The following LAMC3 variants were observed in gnomAD, a reference collection of about 807,000 sequenced individuals.
LAMC3 encodes the protein laminin subunit gamma 3.
A neutral mutation model predicts 173.8 loss-of-function variants in LAMC3; 128 were observed. The ratio of observed to expected loss-of-function variants is 0.74; its 90% CI spans 0.64 to 0.85. LAMC3 has a LOEUF of 0.85. LAMC3 is among the 40% of genes least tolerant of loss of function. The pLI, the probability that LAMC3 is intolerant of heterozygous loss-of-function variation, is 0.00. For synonymous variants in LAMC3, 897 were observed against 909.1 expected (o/e 0.99, Z 0.24); for missense variants, 2,022 against 2,156.0 (o/e 0.94, Z 1.23).
intron 4 of LAMC3, among the ~76,000 whole-genome samples, chr9:131,038,338 A>G (rs1417977655): frequency 6.6e-6 from 1 of 152,114 alleles, no homozygotes; most frequent in Non-Finnish European, 1.5e-5. Flanking sequence ...ATGGGTCCGC[A>G]CCTTTCATGG....
chr9:131,071,603 C>T lies in LAMC3; in HGVS notation c.3189C>T (p.Tyr1063=). Reference sequence around the variant, plus strand: ...GAGAGGCCCCAAGGGGGGACGTCTACCAGGGCCATCACCTGCTTCCAGGTA... The same window carrying T: ...GAGAGGCCCCAAGGGGGGACGTCTATCAGGGCCATCACCTGCTTCCAGGTA... The part of the protein sequence containing the change: ...LLGEAPRGDV[Y]QGHHLLPGAR... The change falls in exon 18 of 28, where the codon TAC becomes TAT. Residue 1063 remains tyrosine (Y), a synonymous_variant. Transcript: ENST00000361069. 6.3e-7 allele frequency: 1 copy of T among 1,596,640 alleles called. No individual in the cohort carries two copies. The highest frequency in any genetic ancestry group is 2.2e-5 in the East Asian group (1 of 44,610).
intron 24 of LAMC3, among the ~76,000 whole-genome samples, chr9:131,083,091 T>G (rs1447985090): frequency 6.6e-6 from 1 of 152,232 alleles, no homozygotes; most frequent in Admixed American, 6.5e-5. Flanking sequence ...ATTCAATGAC[T>G]TATAATGATG....
rs554414588 is a variant in LAMC3 at position 131,035,545 on chromosome 9, T to C, written c.810-621T>C. Among the ~76,000 whole-genome samples the C allele has an allele frequency of 5.9e-5, 9 of 152,134 alleles. No homozygotes were observed. The South Asian group carries it at 1.5e-3, about 25-fold the overall frequency. On this transcript the variant is annotated intron_variant, in intron 3 of 27. Transcript: ENST00000361069. The stretch of plus-strand genomic sequence containing the variant: ...CATTCAGGAGAATTCAACCTGATGA[T>C]CCAATCAGCTCCCACCAGGCCCCAC...
chr9:131,016,320 A>G (rs881678), intron 1 of LAMC3, among the ~76,000 whole-genome samples: 11,326 of 152,124 alleles, frequency 0.074, 497 homozygotes, highest in Middle Eastern at 0.15. Context: ...AGTTCTGGAG[A>G]TGGATGGTGG....
At chr9:131,028,213 G>A (rs1178840694) in intron 2 of LAMC3, among the ~76,000 whole-genome samples, 1 of 152,230 alleles carries the variant, frequency 6.6e-6, no homozygotes, top group African/African-American at 2.4e-5. Flanking sequence ...TCTAGTGCCT[G>A]ATGGTCTGAG....
chr9:131,038,336 GC>G (rs1833982252), intron 4 of LAMC3, among the ~76,000 whole-genome samples: 1 of 152,188 alleles, frequency 6.6e-6, no homozygotes, highest in African/African-American at 2.4e-5. Context: ...AAATGGGTCC[GC>G]ACCTTTCATG....
chr9:131,017,095 G>A (rs1367763522), intron 1 of LAMC3, among the ~76,000 whole-genome samples: 3 of 152,220 alleles, frequency 2.0e-5, no homozygotes, highest in Non-Finnish European at 4.4e-5. Context: ...GTCTGCGCCT[G>A]TTTGGAGCAG....
At chr9:131,078,140 G>C (rs976895871) in intron 22 of LAMC3, among the ~76,000 whole-genome samples, 1 of 152,078 alleles carries the variant, frequency 6.6e-6, no homozygotes, top group Non-Finnish European at 1.5e-5. Flanking sequence ...GCATGAACCG[G>C]GTCCATCGTG....
chr9:131,082,900 A>T (rs1356808538), intron 24 of LAMC3, among the ~76,000 whole-genome samples: 1 of 152,142 alleles, frequency 6.6e-6, no homozygotes, highest in Non-Finnish European at 1.5e-5. Context: ...ACTGCCCGGA[A>T]GAGATGGAGC....
intron 3 of LAMC3, among the ~76,000 whole-genome samples, chr9:131,035,390 C>T (rs1051444784): frequency 6.6e-6 from 1 of 151,766 alleles, no homozygotes; most frequent in Non-Finnish European, 1.5e-5. Flanking sequence ...GGATCAGGCA[C>T]ATCACATGGC....
Position 131,036,266 on chromosome 9 carries a change from T to C in LAMC3, c.910T>C (p.Cys304Arg). 1 of 1,613,314 alleles carries C rather than the reference T, an allele frequency of 6.2e-7. No homozygotes were observed. Among genetic ancestry groups the C allele is most frequent in the African/African-American group, 1.3e-5 (1 of 75,018 alleles). The change falls in exon 4 of 28, where the codon TGC (cysteine) becomes CGC (arginine). Residue 304 changes from cysteine to arginine, a missense_variant. Cys to Arg is a radical substitution (Grantham distance 180). Coordinates refer to ENST00000361069, the MANE Select transcript of LAMC3 (RefSeq NM_006059.4). The part of the protein sequence containing the change: ...HNTTGTDCER[C>R]LPFFQDRPWA... Reference sequence around the variant, plus strand: ...CACCACCGGCACAGACTGTGAGCGCTGCCTGCCCTTCTTCCAGGACCGCCC... The same window carrying C: ...CACCACCGGCACAGACTGTGAGCGCCGCCTGCCCTTCTTCCAGGACCGCCC...
intron 11 of LAMC3, 36 bp downstream of exon 11, chr9:131,053,001 G>A (rs2133282888): frequency 6.8e-7 from 1 of 1,473,710 alleles, no homozygotes; most frequent in Non-Finnish European, 9.4e-7. Flanking sequence ...AGACCCGAGT[G>A]CTTGCCAGGT....
rs749135423 is a variant in LAMC3, at chr9:131,026,355, C to T, written c.444C>T (p.Tyr148=). Residue 148 remains tyrosine, a synonymous_variant, in exon 2 of 28, where the codon TAC becomes TAT. Transcript: ENST00000361069. The surrounding 1 kb of genome is among the most constrained non-coding windows in gnomAD (Gnocchi z 4.8). ...GTCGCCCTGAGAGCTTTGCCATCTACAAGCGCAGCCGCGCCGACGGCCCAT... is the reference window on the plus strand; with the variant it reads ...GTCGCCCTGAGAGCTTTGCCATCTATAAGCGCAGCCGCGCCGACGGCCCAT... ...HTSRPESFAI[Y]KRSRADGPWE... The T allele has an allele frequency of 1.9e-6, 3 of 1,614,068 alleles. No homozygotes were observed. Among genetic ancestry groups the T allele is most frequent in the African/African-American group, 2.7e-5 (2 of 74,950 alleles).
chr9:131,076,063 G>C (rs745903394), intron 21 of LAMC3, 98 bp downstream of exon 21: 16 of 1,216,308 alleles, frequency 1.3e-5, no homozygotes, highest in Non-Finnish European at 1.8e-5. Context: ...CAGCTCCCTT[G>C]AGTCCTGACG....
intron 11 of LAMC3, 59 bp downstream of exon 11, chr9:131,053,024 C>G: frequency 1.6e-6 from 2 of 1,289,970 alleles, no homozygotes; most frequent in South Asian, 2.4e-5. Context: ...CAGAACTGGG[C>G]TGGGCTCCGG....
intron 22 of LAMC3, 78 bp downstream of exon 22, chr9:131,077,412 C>A: frequency 1.9e-6 from 3 of 1,575,016 alleles, no homozygotes; most frequent in East Asian, 2.3e-5. Context: ...CACGGTGGCT[C>A]ACGCCTGTAA....
At chr9:131,028,852 C>T (rs1833777046) in intron 2 of LAMC3, among the ~76,000 whole-genome samples, 1 of 152,134 alleles carries the variant, frequency 6.6e-6, no homozygotes, top group Non-Finnish European at 1.5e-5. Flanking sequence ...AAATAGAGAC[C>T]TCGTCTCACT....
chr9:131,010,523 C>G (rs958892571), intron 1 of LAMC3, among the ~76,000 whole-genome samples: 1 of 152,190 alleles, frequency 6.6e-6, no homozygotes, highest in African/African-American at 2.4e-5. Flanking sequence ...AGGTGACACA[C>G]CAAGGACTGA....
At chr9:131,025,241 A>G (rs948365921) in intron 1 of LAMC3, among the ~76,000 whole-genome samples, 2 of 151,998 alleles carry the variant, frequency 1.3e-5, no homozygotes, top group Non-Finnish European at 1.5e-5. Context: ...CTGCACTGCC[A>G]TGTCAGGGTT....
Sources: allele counts gnomAD v4.1 joint callset (sites outside exome capture counted in the v4.1 genomes callset), GRCh38; gene constraint gnomAD v4.1.1; non-coding constraint Gnocchi (gnomAD v3.1); transcripts MANE v1.5; gene names NCBI Gene and HGNC (gene_info 2026-07-23, HGNC 2026-07-21).